The following VTI1A variants were observed in gnomAD, a reference collection of about 807,000 sequenced individuals.
VTI1A encodes vesicle transport through interaction with t-SNAREs 1A, also known as vesicle transport through interaction with t-SNAREs homolog 1A.
A neutral mutation model predicts 34.9 loss-of-function variants in VTI1A; 22 were observed. The ratio of observed to expected loss-of-function variants is 0.63; its 90% confidence interval spans 0.45 to 0.90. The LOEUF (loss-of-function observed/expected upper bound fraction) is 0.90. Among genes scored for constraint, VTI1A ranks in the 40% least tolerant of loss-of-function variants. The probability of loss-of-function intolerance (pLI) is 0.00; values close to 1 mark genes in which losing one functional copy is unlikely to be tolerated. For synonymous variants in VTI1A, 87 were observed against 97.3 expected, an observed-to-expected ratio of 0.89 and a Z score of 0.62; for missense variants, 268 against 275.6, an observed-to-expected ratio of 0.97 and a Z score of 0.20.
intron 4 of VTI1A, among the ~76,000 whole-genome samples, chr10:112,528,828 C>G (rs923711693): frequency 3.3e-5 from 5 of 152,110 alleles, no homozygotes; most frequent in African/African-American, 1.2e-4. Context: ...AACTCAGACT[C>G]CTTTATCGTA....
intron 1 of VTI1A, among the ~76,000 whole-genome samples, chr10:112,459,867 A>C (rs976856655): frequency 2.0e-5 from 3 of 152,196 alleles, no homozygotes; most frequent in African/African-American, 7.2e-5. Context: ...TATTAAAGTA[A>C]TTTCACTTGC....
intron 7 of VTI1A, among the ~76,000 whole-genome samples, chr10:112,674,749 G>C (rs542855048): frequency 6.6e-6 from 1 of 152,166 alleles, no homozygotes; most frequent in African/African-American, 2.4e-5. Context: ...GCTTAGTGAA[G>C]TTAAGTAAAC....
At chr10:112,755,571 C>T (rs17130045) in intron 7 of VTI1A, among the ~76,000 whole-genome samples, 21,461 of 152,124 alleles carry the variant, frequency 0.14, 2,177 homozygotes, top group East Asian at 0.27. Flanking sequence ...AACAGCCATT[C>T]GTTAATCCCA....
In VTI1A at chr10:112,488,395, A is replaced by T. The variant is rs1274801431; in HGVS notation, c.264+23738A>T. Among the ~76,000 whole-genome samples the T allele has an allele frequency of 2.6e-5, 4 of 152,366 alleles. No individual in the cohort carries two copies. In the East Asian group the frequency reaches 7.7e-4, roughly 29 times the overall value. ...CTATTCTCTGTATTAAGTGAAGAGT[A>T]CCAAGTCGAACTATCATTATAATGC... On this transcript the variant is annotated intron_variant, in intron 3 of 7. Coordinates refer to ENST00000393077, the MANE Select transcript of VTI1A (RefSeq NM_145206.4).
chr10:112,514,153 T>C (rs1332094099), intron 3 of VTI1A, among the ~76,000 whole-genome samples: 2 of 151,912 alleles, frequency 1.3e-5, no homozygotes, highest in African/African-American at 4.8e-5. Context: ...ATTTTCTTTG[T>C]TGGGAGACTT....
At chr10:112,532,785 A>G (rs1382983076) in intron 4 of VTI1A, among the ~76,000 whole-genome samples, 1 of 152,144 alleles carries the variant, frequency 6.6e-6, no homozygotes, top group Admixed American at 6.5e-5. Context: ...AGAAAATTGA[A>G]AACTGAAGAA....
chr10:112,660,324 T>C (rs975310880), intron 5 of VTI1A, among the ~76,000 whole-genome samples: 14 of 152,182 alleles, frequency 9.2e-5, no homozygotes, highest in Non-Finnish European at 1.8e-4. Flanking sequence ...GATCTCGATC[T>C]CTTGACCTTG....
At chr10:112,520,560 G>A (rs1849977382) in intron 3 of VTI1A, among the ~76,000 whole-genome samples, 2 of 150,772 alleles carry the variant, frequency 1.3e-5, no homozygotes, top group East Asian at 1.9e-4. Context: ...AAAGTCTGTT[G>A]TAGCATTGTA....
chr10:112,621,406 T>G (rs1485546564), intron 5 of VTI1A, among the ~76,000 whole-genome samples: 1 of 152,148 alleles, frequency 6.6e-6, no homozygotes, highest in Non-Finnish European at 1.5e-5. Context: ...TGGGGGGAAA[T>G]GTTGGACTTA....
At chr10:112,640,905 T>C (rs1304945298) in intron 5 of VTI1A, among the ~76,000 whole-genome samples, 2 of 152,160 alleles carry the variant, frequency 1.3e-5, no homozygotes, top group South Asian at 2.1e-4. Context: ...CAGAAAGACG[T>C]TGATGGATGC....
At chr10:112,696,828 C>T (rs188827340) in intron 7 of VTI1A, among the ~76,000 whole-genome samples, 11 of 152,148 alleles carry the variant, frequency 7.2e-5, no homozygotes, top group African/African-American at 2.4e-5. Flanking sequence ...TACTGAGCTG[C>T]GTGAAGAAAT....
intron 7 of VTI1A, among the ~76,000 whole-genome samples, chr10:112,811,557 G>C (rs970572550): frequency 2.0e-5 from 3 of 151,920 alleles, no homozygotes; most frequent in Admixed American, 6.6e-5. Flanking sequence ...GGTGGCGGGC[G>C]CCTGTAGTCC....
At chr10:112,653,190 G>C (rs1279570888) in intron 5 of VTI1A, among the ~76,000 whole-genome samples, 1 of 152,196 alleles carries the variant, frequency 6.6e-6, no homozygotes, top group Admixed American at 6.5e-5. Flanking sequence ...GATATTTTCT[G>C]TCCTAGCTGA....
the VTI1A span, among the ~76,000 whole-genome samples, chr10:112,836,295 G>A: frequency 1.3e-5 from 2 of 152,208 alleles, no homozygotes; most frequent in African/African-American, 4.8e-5. Flanking sequence ...GACCCAGCTA[G>A]AATCATGAGC....
chr10:112,587,551 C>T (rs1265244193), intron 5 of VTI1A, among the ~76,000 whole-genome samples: 1 of 151,998 alleles, frequency 6.6e-6, no homozygotes, highest in Non-Finnish European at 1.5e-5. Context: ...CTATGTTAAA[C>T]AGAATTTCTA....
At position 112,675,565 on chromosome 10, in the gene VTI1A, A is replaced by G. The variant is rs74418449; in HGVS notation, c.560+6567A>G. Among the ~76,000 whole-genome samples, 60 of 152,308 alleles carry G rather than the reference A, an allele frequency of 3.9e-4. 1 individual carries two copies. In the East Asian group the frequency reaches 8.9e-3, roughly 23 times the overall value. On this transcript the variant is annotated intron_variant, in intron 7 of 7. Coordinates refer to ENST00000393077, the MANE Select transcript of VTI1A (RefSeq NM_145206.4). Reference sequence around the variant, plus strand: ...GTGTGTTCTTAAGGAGTCCTTTCGAATTGTTGTATTGCTAAGCATAGACTG... The same window carrying G: ...GTGTGTTCTTAAGGAGTCCTTTCGAGTTGTTGTATTGCTAAGCATAGACTG...
At chr10:112,638,802 C>T (rs1846459251) in intron 5 of VTI1A, among the ~76,000 whole-genome samples, 1 of 144,934 alleles carries the variant, frequency 6.9e-6, no homozygotes. Context: ...CTGGCTTAGT[C>T]CTAGCAAAAC....
the VTI1A span, among the ~76,000 whole-genome samples, chr10:112,842,903 G>A: frequency 6.6e-6 from 1 of 152,180 alleles, no homozygotes; most frequent in South Asian, 2.1e-4. Flanking sequence ...TTCCAATACA[G>A]GGAATTGGAT....
In VTI1A at chr10:112,654,695, G is replaced by A. The variant is rs372656302; in HGVS notation, c.428-13523G>A. Among the ~76,000 whole-genome samples, 276 of 152,042 alleles carry A rather than the reference G, an allele frequency of 1.8e-3. 2 individuals carry two copies. Among genetic ancestry groups the A allele is most frequent in the Middle Eastern group, 0.014 (4 of 292 alleles). On this transcript the variant is annotated intron_variant, in intron 5 of 7. Transcript: ENST00000393077. ...TTTTTAGTAGAGACGGGGTTTCACC[G>A]TGGGCTCGATCTCCTGACCTGGTGA...
Sources: gnomAD v4.1 joint callset for allele counts (sites outside exome capture counted in the v4.1 genomes callset) on GRCh38, gnomAD v4.1.1 for gene constraint, MANE v1.5 for transcripts, NCBI Gene and HGNC (gene_info 2026-07-23, HGNC 2026-07-21) for gene names.